Variants in RB1 observed in about 807,000 individuals in gnomAD.
The protein encoded by RB1 is retinoblastoma-associated protein.
In RB1, 18 loss-of-function variants were observed where a neutral mutation model predicts 135.4. The observed-to-expected ratio is 0.13, with a 90% confidence interval of 0.09 to 0.20. The LOEUF (loss-of-function observed/expected upper bound fraction) is 0.20. RB1 is among the 10% of genes least tolerant of loss of function. RB1 has a pLI of 1.00. For missense variants in RB1, 868 were observed against 1,110.0 expected, an observed-to-expected ratio of 0.78 and a Z score of 3.10; for synonymous variants, 365 against 373.2, an observed-to-expected ratio of 0.98 and a Z score of 0.25.
intron 17 of RB1, chr13:48,406,663 T>A (rs558788468): frequency 6.6e-6 from 1 of 152,344 alleles, no homozygotes; most frequent in Admixed American, 6.5e-5. Flanking sequence ...CCACTTTGAA[T>A]GTTTTAATTC....
Position 48,367,474 on chromosome 13 carries a change from A to C in RB1, c.940-20A>C. 1 of 1,596,974 alleles carries C rather than the reference A, an allele frequency of 6.3e-7. No homozygotes were observed. The highest frequency in any genetic ancestry group is 1.1e-5 in the South Asian group (1 of 90,808). ...TAATGACATGTAAAGGATAATTGTC[A>C]GTGACTTTTTTCTTTCAAGGTTGAA... On this transcript the variant is annotated intron_variant, in intron 9 of 26. Coordinates refer to ENST00000267163, the MANE Select transcript of RB1 (RefSeq NM_000321.3).
At chr13:48,451,728 T>C (rs1207870144) in intron 17 of RB1, among the ~76,000 whole-genome samples, 2 of 127,074 alleles carry the variant, frequency 1.6e-5, no homozygotes, top group African/African-American at 5.5e-5. Context: ...TGAATGCATC[T>C]GATCCTGGGA....
chr13:48,386,945 GTTCA>G (rs750427424), intron 17 of RB1, among the ~76,000 whole-genome samples: 2 of 152,098 alleles, frequency 1.3e-5, no homozygotes, highest in Non-Finnish European at 2.9e-5. Flanking sequence ...ATTTATTTCG[GTTCA>G]TTGAGATTGT....
chr13:48,382,302 A>G lies in RB1; in HGVS notation c.1695+859A>G, dbSNP rs972842959. ...AATCGCCACACTGTTGAACTAGTTT[A>G]CAGTCCCACCAACAGTGTAAAAGTG... On this transcript the variant is annotated intron_variant, in intron 17 of 26. Coordinates refer to ENST00000267163, the MANE Select transcript of RB1 (RefSeq NM_000321.3). Among the ~76,000 whole-genome samples the G allele has an allele frequency of 2.6e-5, 4 of 152,030 alleles. No individual in the cohort carries two copies. In the South Asian group the frequency reaches 8.3e-4, roughly 32 times the overall value.
At chr13:48,321,465 G>A (rs1472023213) in intron 2 of RB1, among the ~76,000 whole-genome samples, 3 of 151,628 alleles carry the variant, frequency 2.0e-5, no homozygotes, top group South Asian at 4.2e-4. Flanking sequence ...CTGTGATAAG[G>A]TGGTATCTCA....
chr13:48,465,779 G>T (rs1312540492), intron 23 of RB1, among the ~76,000 whole-genome samples: 1 of 151,170 alleles, frequency 6.6e-6, no homozygotes, highest in Non-Finnish European at 1.5e-5. Context: ...CCCTTTCCGA[G>T]TCAAAGAAAG....
intron 17 of RB1, among the ~76,000 whole-genome samples, chr13:48,424,420 G>T (rs1261595850): frequency 1.3e-5 from 2 of 152,214 alleles, no homozygotes; most frequent in East Asian, 3.8e-4. Context: ...GAAGAGGAAA[G>T]ATTTAAAGGG....
intron 17 of RB1, among the ~76,000 whole-genome samples, chr13:48,397,343 A>C (rs1296986098): frequency 6.6e-6 from 1 of 152,216 alleles, no homozygotes; most frequent in Non-Finnish European, 1.5e-5. Flanking sequence ...TGTCCTTTGC[A>C]GGGACATGGA....
chr13:48,340,234 G>A (rs9535018), intron 2 of RB1, among the ~76,000 whole-genome samples: 85,666 of 151,912 alleles, frequency 0.56, 28,249 homozygotes, highest in Non-Finnish European at 0.72. Flanking sequence ...AGATTTCATA[G>A]ATACCTACCA....
intron 17 of RB1, among the ~76,000 whole-genome samples, chr13:48,396,228 G>A (rs893044251): frequency 5.3e-5 from 8 of 152,036 alleles, no homozygotes; most frequent in African/African-American, 1.7e-4. Context: ...GAGGCATCAC[G>A]CTACTTGACT....
intron 2 of RB1, among the ~76,000 whole-genome samples, chr13:48,323,556 G>A (rs935096996): frequency 7.3e-5 from 11 of 151,594 alleles, no homozygotes; most frequent in African/African-American, 2.4e-4. Flanking sequence ...ACTACCCAAT[G>A]TTTATACTTA....
intron 17 of RB1, among the ~76,000 whole-genome samples, chr13:48,450,893 CT>C (rs1457674623): frequency 6.6e-6 from 1 of 152,132 alleles, no homozygotes; most frequent in Non-Finnish European, 1.5e-5. Context: ...AGGCCCGTCA[CT>C]TCCCTTGTTA....
chr13:48,456,109 A>G (rs758787108), intron 18 of RB1, 95 bp from the exon 19 acceptor site: 5 of 1,562,854 alleles, frequency 3.2e-6, no homozygotes, highest in Non-Finnish European at 4.3e-6. Context: ...AATTAAATAG[A>G]CAAGATGTAT....
rs1234393153 is a variant in RB1, at chr13:48,481,597, C to T, written c.*1526C>T. On this transcript the variant is annotated 3_prime_UTR_variant, in exon 27 of 27. Coordinates refer to ENST00000267163, the MANE Select transcript of RB1 (RefSeq NM_000321.3). ...TTTTGATAACAATGACACTAGAAAA[C>T]TTGACTCCATTTCATCATTGTTTCT... 1 of 230,690 alleles carries T rather than the reference C, an allele frequency of 4.3e-6. No homozygotes were observed. Among genetic ancestry groups the T allele is most frequent in the African/African-American group, 2.2e-5 (1 of 45,180 alleles). The allele number at this position is 230,690 out of a possible 1,614,324, so 14.3% of individuals were successfully genotyped here.
At chr13:48,326,537 G>A (rs533338734) in intron 2 of RB1, among the ~76,000 whole-genome samples, 1 of 152,188 alleles carries the variant, frequency 6.6e-6, no homozygotes, top group South Asian at 2.1e-4. Flanking sequence ...AAAATGGATA[G>A]TTTGCCTACA....
chr13:48,426,898 C>G (rs1949087730), intron 17 of RB1: 6 of 152,294 alleles, frequency 3.9e-5, no homozygotes, highest in Admixed American at 3.3e-4. Context: ...ATCAGCTTCT[C>G]CTCAGCTTCT....
intron 17 of RB1, among the ~76,000 whole-genome samples, chr13:48,384,028 A>C (rs897944425): frequency 2.0e-5 from 3 of 152,124 alleles, no homozygotes; most frequent in African/African-American, 7.2e-5. Context: ...GATGTAATAG[A>C]AATTTACTGT....
chr13:48,458,349 C>G (rs1949375140), intron 19 of RB1, among the ~76,000 whole-genome samples: 1 of 152,074 alleles, frequency 6.6e-6, no homozygotes, highest in Admixed American at 6.5e-5. Flanking sequence ...GTATATACTT[C>G]CTAGTGCATA....
intron 17 of RB1, among the ~76,000 whole-genome samples, chr13:48,433,682 A>ATT (rs10665957): frequency 0.84 from 123,928 of 147,278 alleles, 53,828 homozygotes; most frequent in Non-Finnish European, 0.96. Flanking sequence ...ACAAAAATGC[A>ATT]TTTTTTTTTT....
Sources: gnomAD v4.1 joint callset for allele counts (sites outside exome capture counted in the v4.1 genomes callset) on GRCh38, gnomAD v4.1.1 for gene constraint, MANE v1.5 for transcripts, NCBI Gene and HGNC (gene_info 2026-07-23, HGNC 2026-07-21) for gene names.